Variants in KMT2A observed in about 807,000 individuals in gnomAD.
KMT2A encodes the protein histone-lysine N-methyltransferase 2A.
A neutral mutation model predicts 345.3 loss-of-function variants in KMT2A; 16 were observed. The observed-to-expected ratio is 0.05, with a 90% CI of 0.03 to 0.07. The LOEUF (loss-of-function observed/expected upper bound fraction) is 0.07, where lower values mean the gene tolerates loss of function less well. Ranked by LOEUF, KMT2A falls within the 10% of genes least tolerant of loss-of-function variation. The pLI is 1.00. For missense variants in KMT2A, 3,272 were observed against 4,841.6 expected, an observed-to-expected ratio of 0.68 and a Z score of 9.62; for synonymous variants, 1,599 against 1,778.6, an observed-to-expected ratio of 0.90 and a Z score of 2.54.
At chr11:118,455,479 C>T (rs549993458) in intron 1 of KMT2A, among the ~76,000 whole-genome samples, 1 of 152,100 alleles carries the variant, frequency 6.6e-6, no homozygotes, top group African/African-American at 2.4e-5. Flanking sequence ...ATTTGAGAAC[C>T]AATGGTAGCA....
chr11:118,484,357 A>T lies in KMT2A; in HGVS notation c.4218+43A>T, dbSNP rs1950193771. The T allele has an allele frequency of 6.3e-7, 1 of 1,595,848 alleles. No homozygotes were observed. Among genetic ancestry groups the T allele is most frequent in the African/African-American group, 1.3e-5 (1 of 74,138 alleles). On this transcript the variant is annotated intron_variant, in intron 9 of 35. Coordinates refer to ENST00000534358, the MANE Select transcript of KMT2A (RefSeq NM_001197104.2). The surrounding 1 kb of genome is among the most constrained non-coding windows in gnomAD (Gnocchi z 4.1). The stretch of plus-strand genomic sequence containing the variant: ...TCATAAAGTATATTGAGTGTCAAAG[A>T]CTTTAAATAAAGAAAATGCTACTAC...
Position 118,505,611 on chromosome 11 carries a change from C to G in KMT2A, c.9719C>G (p.Ser3240Cys). 2 of 1,614,188 alleles carry G rather than the reference C, an allele frequency of 1.2e-6. No individual in the cohort carries two copies. The highest frequency in any genetic ancestry group is 1.7e-6 in the Non-Finnish European group (2 of 1,180,026). Reference sequence around the variant, plus strand: ...CGAAAGAATAAAAAACTTGCTCCCTCTAGTACCCCTTCAAACATTGCCCCT... The same window carrying G: ...CGAAAGAATAAAAAACTTGCTCCCTGTAGTACCCCTTCAAACATTGCCCCT... The part of the protein sequence containing the change: ...QTRKNKKLAP[S>C]STPSNIAPSD... Residue 3240 changes from serine (S) to cysteine (C), a missense_variant, in exon 27 of 36, where the codon TCT becomes TGT. Coordinates refer to ENST00000534358, the MANE Select transcript of KMT2A (RefSeq NM_001197104.2). The surrounding 1 kb of genome is among the most constrained non-coding windows in gnomAD (Gnocchi z 4.6).
intron 4 of KMT2A, among the ~76,000 whole-genome samples, chr11:118,477,346 G>C (rs1950054691): frequency 6.6e-6 from 1 of 152,082 alleles, no homozygotes; most frequent in Non-Finnish European, 1.5e-5. Flanking sequence ...TCTCATGGCT[G>C]TCATATAGTT....
intron 1 of KMT2A, among the ~76,000 whole-genome samples, chr11:118,442,301 C>T (rs1555026047): frequency 6.6e-6 from 1 of 152,134 alleles, no homozygotes; most frequent in Non-Finnish European, 1.5e-5. Flanking sequence ...GGGATGGGAC[C>T]TTCCTTTGTT....
At chr11:118,488,547 G>A in intron 10 of KMT2A, 67 bp from the exon 11 acceptor site, 1 of 1,541,268 alleles carries the variant, frequency 6.5e-7, no homozygotes, top group Non-Finnish European at 9.0e-7. Flanking sequence ...TATAAGAAGG[G>A]TATGGTTGAT....
chr11:118,454,510 AG>A (rs1425466640), intron 1 of KMT2A, among the ~76,000 whole-genome samples: 1 of 152,240 alleles, frequency 6.6e-6, no homozygotes, highest in African/African-American at 2.4e-5. Context: ...GCAAAGGGCC[AG>A]ATGGCCTCTG....
chr11:118,519,583 G>C (rs187379713), intron 31 of KMT2A, 35 bp from the exon 32 acceptor site: 1 of 1,589,714 alleles, frequency 6.3e-7, no homozygotes, highest in African/African-American at 1.3e-5. Context: ...TGTTGACTGC[G>C]CTCCTCACTT....
In KMT2A at chr11:118,499,399, G is replaced by C. The variant is rs1167143563; in HGVS notation, c.6058G>C (p.Glu2020Gln). 2 of 1,597,440 alleles carry C rather than the reference G, an allele frequency of 1.3e-6. No individual in the cohort carries two copies. The highest frequency in any genetic ancestry group is 1.7e-6 in the Non-Finnish European group (2 of 1,170,180). The change falls in exon 23 of 36, where the codon GAA (glutamate) becomes CAA (glutamine). Residue 2020 changes from glutamate (E) to glutamine (Q), a missense_variant. Physicochemically the swap from Glu to Gln is conservative, Grantham distance 29. Transcript: ENST00000534358. ...GAAGTTTCTCAATGGCTTGGAACCA[G>C]AAAATATCCACATGATGATTGGTAT... ...RRKFLNGLEP[E>Q]NIHMMIGSMT...
At position 118,473,918 on chromosome 11, in the gene KMT2A, A is replaced by G. The variant is rs1591376313; in HGVS notation, c.2759A>G (p.Asp920Gly). Residue 920 changes from aspartate to glycine, a missense_variant, in exon 3 of 36, where the codon GAT becomes GGT. Physicochemically the swap from Asp to Gly is moderately conservative, Grantham distance 94. Coordinates refer to ENST00000534358, the MANE Select transcript of KMT2A (RefSeq NM_001197104.2). The surrounding 1 kb of genome is among the most constrained non-coding windows in gnomAD (Gnocchi z 5.2). ...RVSKEKVVGEDVATSSSAKKA... is the reference protein window; with the variant it reads ...RVSKEKVVGEGVATSSSAKKA... ...TCCAAAGAGAAGGTTGTTGGTGAAG[A>G]TGTTGCCACTTCATCTTCTGCCAAA... 5 of 1,614,200 alleles carry G rather than the reference A, an allele frequency of 3.1e-6. No individual in the cohort carries two copies. Among genetic ancestry groups the G allele is most frequent in the Non-Finnish European group, 4.2e-6 (5 of 1,180,020 alleles).
At chr11:118,483,078 CA>C (rs1205812964) in intron 8 of KMT2A, among the ~76,000 whole-genome samples, 1 of 151,468 alleles carries the variant, frequency 6.6e-6, no homozygotes, top group Non-Finnish European at 1.5e-5. Flanking sequence ...ACTGAAAATA[CA>C]AAAATTAGCC....
chr11:118,444,900 C>A (rs1397893636), intron 1 of KMT2A, among the ~76,000 whole-genome samples: 1 of 152,134 alleles, frequency 6.6e-6, no homozygotes, highest in Non-Finnish European at 1.5e-5. Context: ...CCTCTCCATA[C>A]CTCTGTTTCT....
rs563325896 is a variant in KMT2A, at chr11:118,497,641, T to C, written c.5665-295T>C. ...TCAAACTCTTGGGCTCAAGCGATCC[T>C]ACCACTTCAGCCTCCAAAAGTGCTG... On this transcript the variant is annotated intron_variant, in intron 20 of 35. Transcript: ENST00000534358. This position sits in a 1 kb window ranked among gnomAD's most constrained non-coding sequence, Gnocchi z 4.8. Among the ~76,000 whole-genome samples, 19 of 152,248 alleles carry C rather than the reference T, an allele frequency of 1.2e-4. No individual in the cohort carries two copies. Among genetic ancestry groups the C allele is most frequent in the African/African-American group, 4.6e-4 (19 of 41,566 alleles).
chr11:118,521,223 T>G lies in KMT2A; in HGVS notation c.11514-65T>G. 1.3e-6 allele frequency: 2 copies of G among 1,542,942 alleles called. No homozygotes were observed. The highest frequency in any genetic ancestry group is 1.8e-6 in the Non-Finnish European group (2 of 1,123,104). On this transcript the variant is annotated intron_variant, in intron 34 of 35. Transcript: ENST00000534358. The surrounding 1 kb of genome is among the most constrained non-coding windows in gnomAD (Gnocchi z 5.3). ...CTAACAGACCAGGAGAACTTATTCA[T>G]GTATTCACGCACTTAACCTTACTTG...
At position 118,505,950 on chromosome 11, in the gene KMT2A, C is replaced by T; in HGVS notation, c.10058C>T (p.Thr3353Ile). The T allele has an allele frequency of 6.2e-7, 1 of 1,614,210 alleles. No individual in the cohort carries two copies. The highest frequency in any genetic ancestry group is 2.2e-5 in the East Asian group (1 of 44,882). The change falls in exon 27 of 36, where the codon ACA (threonine) becomes ATA (isoleucine). Residue 3353 changes from threonine to isoleucine, a missense_variant. By Grantham distance (89) the Thr-to-Ile change is moderately conservative. Coordinates refer to ENST00000534358, the MANE Select transcript of KMT2A (RefSeq NM_001197104.2). The surrounding 1 kb of genome is among the most constrained non-coding windows in gnomAD (Gnocchi z 4.6). ...AATGTTGTATCCATGCAAACTACCA[C>T]AACCCCTACAAGTAGTGCGTCAGTT... ...VLNVVSMQTT[T>I]TPTSSASVPG...
In KMT2A at chr11:118,493,333, A is replaced by G. The variant is rs1950354553; in HGVS notation, c.5178+103A>G. On this transcript the variant is annotated intron_variant, in intron 16 of 35. Coordinates refer to ENST00000534358, the MANE Select transcript of KMT2A (RefSeq NM_001197104.2). The surrounding 1 kb of genome is among the most constrained non-coding windows in gnomAD (Gnocchi z 5.8). ...ATAAGTAAATTTAAAAATGAATTGT[A>G]TTATATTTAGAAATGTCACGTGGCT... 3 of 889,410 alleles carry G rather than the reference A, an allele frequency of 3.4e-6. No homozygotes were observed. Among genetic ancestry groups the G allele is most frequent in the Non-Finnish European group, 1.7e-6 (1 of 597,106 alleles). The allele number at this position is 889,410 out of a possible 1,614,324, so 55.1% of individuals were successfully genotyped here.
At position 118,494,918 on chromosome 11, in the gene KMT2A, A is replaced by C. The variant is rs1555043533; in HGVS notation, c.5363+151A>C. 2 of 635,016 alleles carry C rather than the reference A, an allele frequency of 3.1e-6. No individual in the cohort carries two copies. Among genetic ancestry groups the C allele is most frequent in the South Asian group, 2.0e-5 (1 of 51,114 alleles). The allele number at this position is 635,016 out of a possible 1,614,324, so 39.3% of individuals were successfully genotyped here. A position where few individuals can be genotyped will look rare whatever the true frequency, so the allele number is the denominator to read the frequency against. ...CGGTGTGGTTTTGAGGACTACATTT[A>C]ATGTTTGTTATAAGCAATTGCCTTT... On this transcript the variant is annotated intron_variant, in intron 18 of 35. Coordinates refer to ENST00000534358, the MANE Select transcript of KMT2A (RefSeq NM_001197104.2). The surrounding 1 kb of genome is among the most constrained non-coding windows in gnomAD (Gnocchi z 5.8).
chr11:118,498,360 G>C lies in KMT2A; in HGVS notation c.5803-10G>C. 6.2e-7 allele frequency: 1 copy of C among 1,601,852 alleles called. No individual in the cohort carries two copies. Among genetic ancestry groups the C allele is most frequent in the Non-Finnish European group, 8.5e-7 (1 of 1,176,372 alleles). On this transcript the variant is annotated splice_polypyrimidine_tract_variant and intron_variant, in intron 21 of 35. Coordinates refer to ENST00000534358, the MANE Select transcript of KMT2A (RefSeq NM_001197104.2). This position sits in a 1 kb window ranked among gnomAD's most constrained non-coding sequence, Gnocchi z 4.4. ...GTCTGAATAGGACTCTGTTCTTTTT[G>C]GATTTTTAGAGATGTGAATTCTGCC...
At position 118,506,225 on chromosome 11, in the gene KMT2A, C is replaced by T. The variant is rs1555048312; in HGVS notation, c.10333C>T (p.Pro3445Ser). 1.4e-5 allele frequency: 22 copies of T among 1,614,064 alleles called. No individual in the cohort carries two copies. The South Asian group carries it at 1.8e-4, about 13-fold the overall frequency. ...GACTACGGGCATAACAGCCGCTTCA[C>T]CTTCTGGGGAAGCAGACGAACACTA... ...TQTTGITAAS[P>S]SGEADEHYQL... The change falls in exon 27 of 36, where the codon CCT (proline) becomes TCT (serine). Residue 3445 changes from proline (P) to serine (S), a missense_variant. By Grantham distance (74) the Pro-to-Ser change is moderately conservative. This residue lies in a region of KMT2A where 748 missense variants were observed against 922.2 expected (regional missense o/e 0.81). Coordinates refer to ENST00000534358, the MANE Select transcript of KMT2A (RefSeq NM_001197104.2).
chr11:118,501,135 A>T lies in KMT2A; in HGVS notation c.6307A>T (p.Thr2103Ser). The T allele has an allele frequency of 6.2e-7, 1 of 1,613,816 alleles. No individual in the cohort carries two copies. Among genetic ancestry groups the T allele is most frequent in the Non-Finnish European group, 8.5e-7 (1 of 1,179,846 alleles). ...AAACAGGACCATTGCCCATAGTCCA[A>T]CATCTTTTACAGGTTAGTCTTGAAT... ...DENRTIAHSP[T>S]SFTESSSKES... The change falls in exon 25 of 36, where the codon ACA (threonine) becomes TCA (serine). Residue 2103 changes from threonine (T) to serine (S), a missense_variant. Thr to Ser is a moderately conservative substitution (Grantham distance 58). This residue lies in a region of KMT2A where 66 missense variants were observed against 73.9 expected (regional missense o/e 0.89). Coordinates refer to ENST00000534358, the MANE Select transcript of KMT2A (RefSeq NM_001197104.2).
Sources: gnomAD v4.1 joint callset for allele counts (sites outside exome capture counted in the v4.1 genomes callset) on GRCh38, gnomAD v4.1.1 for gene constraint, gnomAD v4.1.1 regional missense constraint, Gnocchi (gnomAD v3.1) non-coding constraint, MANE v1.5 for transcripts, NCBI Gene and HGNC (gene_info 2026-07-23, HGNC 2026-07-21) for gene names.